UBAC2: variants seen among roughly 807,000 people sequenced by gnomAD.
UBAC2 encodes the protein ubiquitin-associated domain-containing protein 2.
UBAC2 carries 26 observed loss-of-function variants against 44.0 expected under a neutral mutation model. The ratio of observed to expected loss-of-function variants is 0.59; its 90% confidence interval spans 0.43 to 0.82. The LOEUF is 0.82. Among genes scored for constraint, UBAC2 ranks in the 40% least tolerant of loss-of-function variants. The pLI is 0.00. For missense variants in UBAC2, 329 were observed against 419.4 expected, an observed-to-expected ratio of 0.78 and a Z score of 1.88; for synonymous variants, 155 against 154.3, an observed-to-expected ratio of 1.00 and a Z score of -0.04.
intron 4 of UBAC2, among the ~76,000 whole-genome samples, chr13:99,267,985 C>T (rs892556188): frequency 3.3e-5 from 5 of 152,196 alleles, no homozygotes; most frequent in Non-Finnish European, 7.4e-5. Flanking sequence ...CTTTCCTCAA[C>T]ATGTGCCTTC....
intron 4 of UBAC2, chr13:99,255,408 AG>A (rs769968108): frequency 1.2e-6 from 2 of 1,614,116 alleles, no homozygotes; most frequent in Admixed American, 1.7e-5. Context: ...GCAGTAGCAG[AG>A]GGGTGGTCGT....
At chr13:99,324,380 G>C (rs1481135046) in intron 6 of UBAC2, among the ~76,000 whole-genome samples, 2 of 151,998 alleles carry the variant, frequency 1.3e-5, no homozygotes, top group Admixed American at 6.6e-5. Context: ...CCACTGCCTG[G>C]TTCCACCATT....
At chr13:99,329,339 G>A (rs1036353486) in intron 6 of UBAC2, among the ~76,000 whole-genome samples, 1 of 152,210 alleles carries the variant, frequency 6.6e-6, no homozygotes, top group Non-Finnish European at 1.5e-5. Context: ...GGGGAAAAGA[G>A]TTAAGATTTT....
intron 1 of UBAC2, chr13:99,201,238 G>T: frequency 7.0e-7 from 1 of 1,434,130 alleles, no homozygotes; most frequent in Non-Finnish European, 9.1e-7. Flanking sequence ...GTGCCCTGGT[G>T]TTCTCGTGGG....
At position 99,328,835 on chromosome 13, in the gene UBAC2, T is replaced by C. The variant is rs1005724671; in HGVS notation, c.561+10766T>C. Among the ~76,000 whole-genome samples the C allele has an allele frequency of 1.1e-4, 16 of 148,712 alleles. 1 individual carries two copies. In the East Asian group the frequency reaches 2.7e-3, roughly 26 times the overall value. Reference sequence around the variant, plus strand: ...TTTAAAATCTTGATTAATTCATTGTTAACTGGTTTTTAAAATAGTTTGTGC... The same window carrying C: ...TTTAAAATCTTGATTAATTCATTGTCAACTGGTTTTTAAAATAGTTTGTGC... On this transcript the variant is annotated intron_variant, in intron 6 of 8. Coordinates refer to ENST00000403766, the MANE Select transcript of UBAC2 (RefSeq NM_001144072.2).
chr13:99,245,634 A>G (rs1482275699), intron 4 of UBAC2, among the ~76,000 whole-genome samples: 2 of 152,220 alleles, frequency 1.3e-5, no homozygotes, highest in African/African-American at 4.8e-5. Flanking sequence ...CGAGGTCAGG[A>G]GTTCAAGACC....
intron 8 of UBAC2, among the ~76,000 whole-genome samples, chr13:99,384,534 G>A (rs1250293554): frequency 6.6e-6 from 1 of 152,246 alleles, no homozygotes; most frequent in African/African-American, 2.4e-5. Context: ...GTTCCTCCCT[G>A]CTTCTGGTGG....
chr13:99,243,910 T>C lies in UBAC2; in HGVS notation c.238T>C (p.Phe80Leu). 1 of 1,553,082 alleles carries C rather than the reference T, an allele frequency of 6.4e-7. No homozygotes were observed. The highest frequency in any genetic ancestry group is 2.0e-5 in the Admixed American group (1 of 49,590). ...TFCSSLLIYN[F>L]RIFERRYGSR... ...CTGCAGTAGTCTGCTTATTTATAATTTTAGGATATTTGAAAGAAGATATGG... is the reference window on the plus strand; with the variant it reads ...CTGCAGTAGTCTGCTTATTTATAATCTTAGGATATTTGAAAGAAGATATGG... Residue 80 changes from phenylalanine to leucine, a missense_variant, in exon 3 of 9, where the codon TTT (phenylalanine) becomes CTT (leucine). By Grantham distance (22) the Phe-to-Leu change is conservative. Transcript: ENST00000403766.
rs191390144 is a variant in UBAC2 at position 99,324,970 on chromosome 13, A to G, written c.561+6901A>G. Among the ~76,000 whole-genome samples the G allele has an allele frequency of 5.9e-5, 9 of 152,274 alleles. 1 individual carries two copies. In the East Asian group the frequency reaches 1.7e-3, roughly 29 times the overall value. On this transcript the variant is annotated intron_variant, in intron 6 of 8. Transcript: ENST00000403766. ...GTTCACACGATGACCAGATCACATA[A>G]CACATTTCTCAGAATGTGTCCTTAT...
At position 99,221,346 on chromosome 13, in the gene UBAC2, T is replaced by C. The variant is rs148077199; in HGVS notation, c.32-17081T>C. 2.2e-3 allele frequency among the ~76,000 whole-genome samples: 341 copies of C among 152,378 alleles called. 4 individuals carry two copies. Among genetic ancestry groups the C allele is most frequent in the African/African-American group, 7.8e-3 (323 of 41,596 alleles). ...TTACACAGGGCACTACTTTGATTTC[T>C]ATTAGTGCTGTTTGTGATTGTGTAT... On this transcript the variant is annotated intron_variant, in intron 1 of 8. Coordinates refer to ENST00000403766, the MANE Select transcript of UBAC2 (RefSeq NM_001144072.2).
chr13:99,296,327 A>G (rs1335624698), intron 4 of UBAC2, among the ~76,000 whole-genome samples: 1 of 152,218 alleles, frequency 6.6e-6, no homozygotes, highest in African/African-American at 2.4e-5. Context: ...ACAGTTTATA[A>G]TTATAATATG....
intron 7 of UBAC2, among the ~76,000 whole-genome samples, chr13:99,361,648 C>A (rs867019661): frequency 6.6e-6 from 1 of 152,102 alleles, no homozygotes. Flanking sequence ...TTTGTTATAG[C>A]GGCTGCCCTG....
chr13:99,202,142 T>TA (rs1458558706), intron 1 of UBAC2, among the ~76,000 whole-genome samples: 10 of 152,058 alleles, frequency 6.6e-5, no homozygotes, highest in Non-Finnish European at 1.5e-4. Flanking sequence ...TGTCTCGTCT[T>TA]ATAGTCTGAC....
Position 99,338,039 on chromosome 13 carries a change from CTTTTTTTCTTTTTTTTT to C in UBAC2, c.562-2273_562-2257del, listed in dbSNP as rs1457120040. On this transcript the variant is annotated intron_variant, in intron 6 of 8. Coordinates refer to ENST00000403766, the MANE Select transcript of UBAC2 (RefSeq NM_001144072.2). ...GCAAAAAAATCTCCTAACTTTTTTTCTTTTTTTCTTTTTTTTTTTTTTTTTTTTTTTTTTTTGAGACA... is the reference window on the plus strand; with the variant it reads ...GCAAAAAAATCTCCTAACTTTTTTTCTTTTTTTTTTTTTTTTTTTGAGACA... Among the ~76,000 whole-genome samples the C allele has an allele frequency of 6.6e-5, 6 of 91,564 alleles. No homozygotes were observed. The South Asian group carries it at 2.3e-3, about 35-fold the overall frequency. The allele number at this position is 91,564 out of a possible 152,430, so 60.1% of individuals were successfully genotyped here.
At chr13:99,341,862 G>A (rs1208884100) in intron 7 of UBAC2, among the ~76,000 whole-genome samples, 1 of 152,110 alleles carries the variant, frequency 6.6e-6, no homozygotes, top group Admixed American at 6.5e-5. Flanking sequence ...GGGAGAGAAA[G>A]AAGTAGGGGA....
At chr13:99,278,996 C>A (rs2043919440) in intron 4 of UBAC2, among the ~76,000 whole-genome samples, 1 of 152,078 alleles carries the variant, frequency 6.6e-6, no homozygotes, top group Admixed American at 6.5e-5. Context: ...GTTGACTTTC[C>A]TTCATGAGTT....
chr13:99,233,078 A>T (rs1285118480), intron 1 of UBAC2, among the ~76,000 whole-genome samples: 1 of 152,084 alleles, frequency 6.6e-6, no homozygotes, highest in Non-Finnish European at 1.5e-5. Flanking sequence ...GGACCCAGAA[A>T]ATTACAGTGA....
chr13:99,242,923 T>C (rs1220766806), intron 2 of UBAC2, among the ~76,000 whole-genome samples: 2 of 141,562 alleles, frequency 1.4e-5, no homozygotes, highest in African/African-American at 5.4e-5. Flanking sequence ...GGCGGCCGGG[T>C]AGAGACGCTC....
At chr13:99,225,202 CAGT>C (rs2043097693) in intron 1 of UBAC2, among the ~76,000 whole-genome samples, 1 of 151,910 alleles carries the variant, frequency 6.6e-6, no homozygotes, top group African/African-American at 2.4e-5. Flanking sequence ...GTGTATAGTC[CAGT>C]AGTATTAAGT....
Sources: allele counts gnomAD v4.1 joint callset (sites outside exome capture counted in the v4.1 genomes callset), GRCh38; gene constraint gnomAD v4.1.1; transcripts MANE v1.5; gene names NCBI Gene and HGNC (gene_info 2026-07-23, HGNC 2026-07-21).